The following SLC24A2 variants were observed in gnomAD, a reference collection of about 807,000 sequenced individuals.
SLC24A2 encodes solute carrier family 24 member 2.
Under a neutral mutation model 62.0 loss-of-function variants are expected in SLC24A2, and 36 were observed. That is an observed-to-expected ratio of 0.58 (90% CI 0.44 to 0.77). The LOEUF is 0.77. SLC24A2 is among the 30% of genes least tolerant of loss of function. The pLI is 0.00. For synonymous variants in SLC24A2, 358 were observed against 294.0 expected, an observed-to-expected ratio of 1.22 and a Z score of -2.23; for missense variants, 846 against 817.9, an observed-to-expected ratio of 1.03 and a Z score of -0.42.
chr9:19,971,483 G>A, the SLC24A2 span, among the ~76,000 whole-genome samples: 1 of 152,160 alleles, frequency 6.6e-6, no homozygotes, highest in Non-Finnish European at 1.5e-5. Context: ...GGCCTGTATG[G>A]CCAAGCCACT....
At chr9:20,083,791 G>C in the SLC24A2 span, among the ~76,000 whole-genome samples, 3 of 152,306 alleles carry the variant, frequency 2.0e-5, no homozygotes, top group East Asian at 1.9e-4. Context: ...ATTAGAGCCT[G>C]ATATAAATTG....
the SLC24A2 span, among the ~76,000 whole-genome samples, chr9:19,936,325 G>C: frequency 6.6e-6 from 1 of 152,186 alleles, no homozygotes. Context: ...CCAGGCTGGA[G>C]TAGGGTGACA....
the SLC24A2 span, among the ~76,000 whole-genome samples, chr9:19,981,412 A>C: frequency 1.3e-5 from 2 of 152,222 alleles, no homozygotes; most frequent in Non-Finnish European, 2.9e-5. Context: ...TAAAAGAAAC[A>C]AACAGACCTA....
intron 5 of SLC24A2, 145 bp downstream of exon 5, chr9:19,597,084 A>G (rs1836723005): frequency 1.5e-6 from 1 of 662,488 alleles, no homozygotes; most frequent in Admixed American, 2.6e-5. Context: ...AATGGCAAAA[A>G]CTAGACAAAA....
At chr9:19,753,793 A>C (rs1822054131) in intron 2 of SLC24A2, among the ~76,000 whole-genome samples, 2 of 152,182 alleles carry the variant, frequency 1.3e-5, no homozygotes, top group African/African-American at 4.8e-5. Flanking sequence ...ATCCTGTGTC[A>C]CCTGGATATG....
chr9:19,970,759 G>A, the SLC24A2 span, among the ~76,000 whole-genome samples: 1 of 151,856 alleles, frequency 6.6e-6, no homozygotes, highest in African/African-American at 2.4e-5. Flanking sequence ...CAGTTAGTAG[G>A]AGAAAAAAAG....
At chr9:19,703,381 T>C (rs1358902207) in intron 2 of SLC24A2, among the ~76,000 whole-genome samples, 1 of 152,192 alleles carries the variant, frequency 6.6e-6, no homozygotes, top group Non-Finnish European at 1.5e-5. Flanking sequence ...TCAAACCTTC[T>C]TGGAGTGAGA....
At chr9:20,302,859 A>G in the SLC24A2 span, among the ~76,000 whole-genome samples, 1 of 152,202 alleles carries the variant, frequency 6.6e-6, no homozygotes, top group South Asian at 2.1e-4. Flanking sequence ...ATTATTTCCC[A>G]TATGATCAAC....
the SLC24A2 span, among the ~76,000 whole-genome samples, chr9:19,819,361 A>AC: frequency 6.6e-6 from 1 of 152,162 alleles, no homozygotes. Flanking sequence ...ACCTAATTAA[A>AC]CTAAAGAGCT....
chr9:19,911,316 G>A, the SLC24A2 span, among the ~76,000 whole-genome samples: 3 of 151,952 alleles, frequency 2.0e-5, no homozygotes, highest in Admixed American at 6.6e-5. Flanking sequence ...CCAGTCTATC[G>A]TTGTTGGACA....
chr9:19,562,617 T>C (rs1835458660), intron 7 of SLC24A2, among the ~76,000 whole-genome samples: 1 of 152,168 alleles, frequency 6.6e-6, no homozygotes, highest in African/African-American at 2.4e-5. Context: ...ACCCCAGTTT[T>C]TCCTAAAAAA....
At chr9:19,646,777 G>A (rs2118122233) in intron 2 of SLC24A2, among the ~76,000 whole-genome samples, 1 of 152,098 alleles carries the variant, frequency 6.6e-6, no homozygotes, top group Admixed American at 6.6e-5. Context: ...TTAAAAATAT[G>A]GCTGCAACCA....
At chr9:20,140,107 C>G in the SLC24A2 span, among the ~76,000 whole-genome samples, 6 of 152,186 alleles carry the variant, frequency 3.9e-5, no homozygotes, top group Admixed American at 1.3e-4. Context: ...TGCATTGATT[C>G]TAAAACTGAC....
At chr9:20,211,794 T>C in the SLC24A2 span, among the ~76,000 whole-genome samples, 3 of 152,194 alleles carry the variant, frequency 2.0e-5, no homozygotes, top group Non-Finnish European at 4.4e-5. Context: ...TTAAACTATA[T>C]GTCTTAAATA....
the SLC24A2 span, among the ~76,000 whole-genome samples, chr9:20,145,008 C>T: frequency 1.4e-4 from 21 of 152,004 alleles, no homozygotes; most frequent in Admixed American, 1.2e-3. Context: ...TTTCCTTAAA[C>T]GCACCTGATA....
chr9:20,111,069 C>T, the SLC24A2 span, among the ~76,000 whole-genome samples: 1 of 152,184 alleles, frequency 6.6e-6, no homozygotes, highest in South Asian at 2.1e-4. Flanking sequence ...TGGATATCTT[C>T]CTGTCACCCT....
chr9:20,008,080 G>C, the SLC24A2 span, among the ~76,000 whole-genome samples: 2 of 151,532 alleles, frequency 1.3e-5, no homozygotes, highest in Non-Finnish European at 2.9e-5. Context: ...ATTTTTAATA[G>C]AGACGGGGTT....
At chr9:19,969,046 A>G in the SLC24A2 span, among the ~76,000 whole-genome samples, 2 of 152,118 alleles carry the variant, frequency 1.3e-5, no homozygotes, top group Admixed American at 6.6e-5. Flanking sequence ...TCCAGTGTTT[A>G]TAACTAGCAC....
At chr9:19,977,334 T>G in the SLC24A2 span, among the ~76,000 whole-genome samples, 1 of 152,006 alleles carries the variant, frequency 6.6e-6, no homozygotes, top group African/African-American at 2.4e-5. Flanking sequence ...ACAACTGAAG[T>G]GCGTATTGAA....
Sources: allele counts gnomAD v4.1 joint callset (sites outside exome capture counted in the v4.1 genomes callset), GRCh38; gene constraint gnomAD v4.1.1; transcripts MANE v1.5; gene names NCBI Gene and HGNC (gene_info 2026-07-23, HGNC 2026-07-21).